The following TASP1 variants were observed in gnomAD, a reference collection of about 807,000 sequenced individuals.
The protein encoded by TASP1 is taspase 1, also known as threonine aspartase 1.
In TASP1, 16 loss-of-function variants were observed where a neutral mutation model predicts 56.6. The observed-to-expected ratio is 0.28, with a 90% CI of 0.19 to 0.43. The LOEUF (loss-of-function observed/expected upper bound fraction) is 0.43. Ranked by LOEUF, TASP1 falls within the 20% of genes least tolerant of loss-of-function variation. TASP1 has a pLI of 1.00. For missense variants in TASP1, 393 were observed against 511.6 expected (o/e 0.77, Z 2.24); for synonymous variants, 179 against 184.2 (o/e 0.97, Z 0.23).
the TASP1 span, among the ~76,000 whole-genome samples, chr20:13,362,604 T>C: frequency 4.6e-5 from 7 of 151,604 alleles, no homozygotes; most frequent in African/African-American, 1.5e-4. Context: ...CTTTTCGGAC[T>C]CAGCCTGCCT....
rs1377715164 is a variant in TASP1 at position 13,417,500 on chromosome 20, G to A, written c.1118C>T (p.Thr373Met). The A allele has an allele frequency of 3.1e-6, 5 of 1,613,946 alleles. No homozygotes were observed. The Admixed American group carries it at 5.0e-5, about 16-fold the overall frequency. The change falls in exon 13 of 14, where the codon ACG becomes ATG. Residue 373 changes from threonine (T) to methionine (M), a missense_variant. Physicochemically the swap from Thr to Met is moderately conservative, Grantham distance 81 (BLOSUM62 -1). This residue lies in a region of TASP1 where 293 missense variants were observed against 354.2 expected (regional missense o/e 0.83). Transcript: ENST00000337743. Reference sequence around the variant, plus strand: ...ATATCCGACACACATGCTCTCCGTCGTGTGGCTCCACAGAAATTCCACTGC... The same window carrying A: ...ATATCCGACACACATGCTCTCCGTCATGTGGCTCCACAGAAATTCCACTGC... ...TLLVEFLWSH[T>M]TESMCVGYMS... is the part of the protein sequence containing the mutation.
chr20:13,555,950 C>T (rs951945457), intron 8 of TASP1, among the ~76,000 whole-genome samples: 23 of 152,080 alleles, frequency 1.5e-4, no homozygotes, highest in African/African-American at 5.6e-4. Flanking sequence ...AGATGGTACA[C>T]CAAAAGGTAT....
At chr20:13,307,895 C>G in the TASP1 span, among the ~76,000 whole-genome samples, 1 of 152,156 alleles carries the variant, frequency 6.6e-6, no homozygotes, top group Non-Finnish European at 1.5e-5. Flanking sequence ...TATGGACAGT[C>G]CAGGGTGTGC....
chr20:13,368,795 C>T, the TASP1 span: 1 of 152,242 alleles, frequency 6.6e-6, no homozygotes, highest in Non-Finnish European at 1.5e-5. Flanking sequence ...CCCTAATACA[C>T]ACCAGCCACC....
At chr20:13,320,319 AC>A in the TASP1 span, among the ~76,000 whole-genome samples, 9 of 152,332 alleles carry the variant, frequency 5.9e-5, no homozygotes, top group African/African-American at 2.2e-4. Context: ...TCTGTGTGAT[AC>A]ATTAGCTTTG....
intron 6 of TASP1, among the ~76,000 whole-genome samples, chr20:13,576,312 G>GAGAA (rs1194294736): frequency 6.3e-5 from 9 of 143,434 alleles, no homozygotes; most frequent in Admixed American, 3.6e-4. Context: ...GAGAGAGAGA[G>GAGAA]AGAAAGAAAG....
intron 11 of TASP1, among the ~76,000 whole-genome samples, chr20:13,469,253 A>C (rs948352157): frequency 2.6e-5 from 4 of 152,174 alleles, no homozygotes; most frequent in Non-Finnish European, 5.9e-5. Flanking sequence ...GGTTCCCCAA[A>C]GGCCTGGGTG....
intron 8 of TASP1, among the ~76,000 whole-genome samples, chr20:13,556,652 C>T (rs558781340): frequency 3.9e-5 from 6 of 152,220 alleles, no homozygotes; most frequent in Non-Finnish European, 7.3e-5. Flanking sequence ...ACTGATTTGG[C>T]ACACTGACTC....
chr20:13,524,036 C>T (rs1164042296), intron 10 of TASP1, among the ~76,000 whole-genome samples: 5 of 152,014 alleles, frequency 3.3e-5, no homozygotes, highest in Non-Finnish European at 7.4e-5. Context: ...GTAGTCCTAC[C>T]TACTTGGGAG....
At chr20:13,578,944 T>A (rs1254702246) in intron 6 of TASP1, among the ~76,000 whole-genome samples, 1 of 152,210 alleles carries the variant, frequency 6.6e-6, no homozygotes, top group African/African-American at 2.4e-5. Flanking sequence ...TTCCTCCATA[T>A]AAATTTGAGA....
intron 7 of TASP1, among the ~76,000 whole-genome samples, chr20:13,567,780 G>C (rs1284767224): frequency 6.6e-6 from 1 of 152,112 alleles, no homozygotes; most frequent in Non-Finnish European, 1.5e-5. Flanking sequence ...ATAAAACAAG[G>C]AAGAAAAACA....
At chr20:13,523,230 G>C (rs1442899776) in intron 10 of TASP1, among the ~76,000 whole-genome samples, 1 of 152,160 alleles carries the variant, frequency 6.6e-6, no homozygotes, top group Non-Finnish European at 1.5e-5. Context: ...TGAGTCCTCA[G>C]TAGAATAGGG....
At chr20:13,292,337 T>G in the TASP1 span, 4 of 1,351,286 alleles carry the variant, frequency 3.0e-6, no homozygotes, top group African/African-American at 4.3e-5. Flanking sequence ...ACTTTTTCCA[T>G]GTAATGATGG....
chr20:13,206,792 G>A, the TASP1 span, among the ~76,000 whole-genome samples: 14 of 152,290 alleles, frequency 9.2e-5, no homozygotes, highest in Admixed American at 7.8e-4. Context: ...GCCAGAATTC[G>A]GCCATATGAC....
chr20:13,439,161 C>T lies in TASP1; in HGVS notation c.986-4007G>A, dbSNP rs181835399. On this transcript the variant is annotated intron_variant, in intron 11 of 13. Transcript: ENST00000337743. ...CCCAGCCAGCCCATTACTGGGTATACACCCAAAGGATTATAGATCATGCTG... is the reference window on the plus strand; with the variant it reads ...CCCAGCCAGCCCATTACTGGGTATATACCCAAAGGATTATAGATCATGCTG... Among the ~76,000 whole-genome samples, 597 of 152,264 alleles carry T rather than the reference C, an allele frequency of 3.9e-3. 12 individuals carry two copies. The highest frequency in any genetic ancestry group is 0.036 in the Admixed American group (553 of 15,296).
chr20:13,208,423 C>A, the TASP1 span, among the ~76,000 whole-genome samples: 325 of 152,282 alleles, frequency 2.1e-3, 2 homozygotes, highest in East Asian at 0.019. Context: ...ATGTTGCCTT[C>A]CTCACCACAC....
At chr20:13,439,207 G>A (rs142683436) in intron 11 of TASP1, among the ~76,000 whole-genome samples, 2,559 of 152,216 alleles carry the variant, frequency 0.017, 72 homozygotes, top group African/African-American at 0.056. Flanking sequence ...ACATGCACAC[G>A]TATGTTTACT....
intron 8 of TASP1, among the ~76,000 whole-genome samples, chr20:13,537,140 G>A (rs1438626954): frequency 6.6e-6 from 1 of 152,058 alleles, no homozygotes; most frequent in East Asian, 1.9e-4. Context: ...TTTCAATCAG[G>A]ATATTGTGAA....
the TASP1 span, among the ~76,000 whole-genome samples, chr20:13,158,553 TTCTCAGACAATTATGAGC>T: frequency 2.6e-5 from 4 of 152,298 alleles, no homozygotes; most frequent in Non-Finnish European, 5.9e-5. Context: ...CTTGACTTGT[TTCTCAGACAATTATGAGC>T]TCTCATTCTG....
Sources: gnomAD v4.1 joint callset for allele counts (sites outside exome capture counted in the v4.1 genomes callset) on GRCh38, gnomAD v4.1.1 for gene constraint, gnomAD v4.1.1 regional missense constraint, MANE v1.5 for transcripts, NCBI Gene and HGNC (gene_info 2026-07-23, HGNC 2026-07-21) for gene names.